The following TAOK3 variants were observed in gnomAD, a reference collection of about 807,000 sequenced individuals.
TAOK3 encodes the protein TAO kinase 3, also known as serine/threonine-protein kinase TAO3.
TAOK3 carries 40 observed loss-of-function variants against 120.4 expected under a neutral mutation model. That is an observed-to-expected ratio of 0.33 (90% CI 0.26 to 0.43). The LOEUF is 0.43. Ranked by LOEUF, TAOK3 falls within the 20% of genes least tolerant of loss-of-function variation. The probability of loss-of-function intolerance (pLI) is 1.00; values close to 1 mark genes in which losing one functional copy is unlikely to be tolerated. For missense variants in TAOK3, 821 were observed against 1,112.1 expected (o/e 0.74, Z 3.72); for synonymous variants, 355 against 387.5 (o/e 0.92, Z 0.99).
intron 2 of TAOK3, among the ~76,000 whole-genome samples, chr12:118,264,805 A>G (rs1408172152): frequency 1.3e-5 from 2 of 152,136 alleles, no homozygotes; most frequent in Non-Finnish European, 2.9e-5. Flanking sequence ...AGGCAGAAGC[A>G]GGCAGATCAT....
chr12:118,190,919 A>G (rs551875024), intron 13 of TAOK3, among the ~76,000 whole-genome samples: 9 of 152,356 alleles, frequency 5.9e-5, no homozygotes, highest in Non-Finnish European at 1.3e-4. Context: ...AGGACGCTAT[A>G]GTAATTTGTA....
chr12:118,361,237 G>A (rs1341369762), intron 1 of TAOK3, among the ~76,000 whole-genome samples: 1 of 152,062 alleles, frequency 6.6e-6, no homozygotes, highest in East Asian at 1.9e-4. Flanking sequence ...GCTTCCACTA[G>A]ACTTCGTTAC....
chr12:118,258,029 A>G (rs2041063298), intron 2 of TAOK3, among the ~76,000 whole-genome samples: 1 of 152,200 alleles, frequency 6.6e-6, no homozygotes, highest in Non-Finnish European at 1.5e-5. Context: ...TTTTTAATAT[A>G]AGGATATTAT....
At chr12:118,271,339 C>G (rs1011973163) in intron 1 of TAOK3, among the ~76,000 whole-genome samples, 4 of 152,130 alleles carry the variant, frequency 2.6e-5, no homozygotes, top group African/African-American at 7.2e-5. Flanking sequence ...CCCAGCCTCG[C>G]CCCACCCCAT....
At chr12:118,369,609 T>C (rs541704712) in intron 1 of TAOK3, among the ~76,000 whole-genome samples, 2 of 152,370 alleles carry the variant, frequency 1.3e-5, no homozygotes, top group Admixed American at 6.5e-5. Flanking sequence ...ACTATTGATA[T>C]TGAGATTCTC....
At chr12:118,330,004 C>A (rs2044078384) in intron 1 of TAOK3, among the ~76,000 whole-genome samples, 1 of 152,162 alleles carries the variant, frequency 6.6e-6, no homozygotes, top group Non-Finnish European at 1.5e-5. Flanking sequence ...TCAACAACAA[C>A]CCCAAAAATA....
chr12:118,370,736 T>C (rs951432983), intron 1 of TAOK3, among the ~76,000 whole-genome samples: 2 of 152,216 alleles, frequency 1.3e-5, no homozygotes, highest in African/African-American at 2.4e-5. Flanking sequence ...ACAACTAGCC[T>C]GATCATTAGT....
intron 9 of TAOK3, among the ~76,000 whole-genome samples, chr12:118,226,457 C>G (rs1191020321): frequency 2.6e-5 from 4 of 151,704 alleles, no homozygotes; most frequent in African/African-American, 7.3e-5. Flanking sequence ...TCGCTTGAAC[C>G]CGGGAACTAG....
At chr12:118,192,939 G>C (rs1215540704) in intron 13 of TAOK3, among the ~76,000 whole-genome samples, 1 of 151,574 alleles carries the variant, frequency 6.6e-6, no homozygotes, top group Non-Finnish European at 1.5e-5. Flanking sequence ...TATATGGCAT[G>C]GTTATAATTT....
At chr12:118,245,091 G>T in intron 3 of TAOK3, 126 bp from the exon 4 acceptor site, 1 of 563,970 alleles carries the variant, frequency 1.8e-6, no homozygotes, top group South Asian at 2.2e-5. Flanking sequence ...CTGTCGCTCA[G>T]GCTGGAGTGC....
chr12:118,230,691 G>T (rs943609005), intron 9 of TAOK3, among the ~76,000 whole-genome samples: 2 of 151,788 alleles, frequency 1.3e-5, no homozygotes, highest in African/African-American at 4.8e-5. Context: ...GGATGGTCTC[G>T]ATCTCCTGAC....
rs1286020799 is a variant in TAOK3, at chr12:118,371,693, G to A, written c.-194+955C>T. On this transcript the variant is annotated intron_variant, in intron 1 of 20. Transcript: ENST00000392533. This position sits in a 1 kb window ranked among gnomAD's most constrained non-coding sequence, Gnocchi z 5.5. ...CCCCGCCGCAGCCGTTCTTGGGGGG[G>A]CTCCCGCAACTCAGCGGGCGCGACC... is the stretch of plus-strand genomic sequence containing the variant. Among the ~76,000 whole-genome samples, 1 of 152,030 alleles carries A rather than the reference G, an allele frequency of 6.6e-6. No individual in the cohort carries two copies. The highest frequency in any genetic ancestry group is 1.5e-5 in the Non-Finnish European group (1 of 67,942).
chr12:118,172,799 C>T, intron 16 of TAOK3, 139 bp from the exon 17 acceptor site: 2 of 737,042 alleles, frequency 2.7e-6, no homozygotes, highest in Non-Finnish European at 4.5e-6. Flanking sequence ...ACATCCTTCC[C>T]CCAATTTTTT....
chr12:118,196,085 AT>A (rs2037713008), intron 13 of TAOK3, among the ~76,000 whole-genome samples: 1 of 151,132 alleles, frequency 6.6e-6, no homozygotes, highest in African/African-American at 2.4e-5. Context: ...AAATAAATAA[AT>A]AAATAAATAA....
At chr12:118,287,906 T>C (rs1234167060) in intron 1 of TAOK3, among the ~76,000 whole-genome samples, 2 of 152,094 alleles carry the variant, frequency 1.3e-5, no homozygotes, top group Admixed American at 6.6e-5. Flanking sequence ...AACAGCACTG[T>C]GAGAGCTCTG....
chr12:118,308,847 T>A (rs894768935), intron 1 of TAOK3, among the ~76,000 whole-genome samples: 1 of 142,398 alleles, frequency 7.0e-6, no homozygotes, highest in Non-Finnish European at 1.5e-5. Context: ...GGAGACTCGT[T>A]TGAACCCAGG....
At chr12:118,339,571 C>CTT (rs879348420) in intron 1 of TAOK3, among the ~76,000 whole-genome samples, 3 of 138,546 alleles carry the variant, frequency 2.2e-5, no homozygotes, top group South Asian at 2.3e-4. Flanking sequence ...TTTAGTTGCT[C>CTT]TTTTTTTTTT....
chr12:118,282,710 G>A (rs972301418), intron 1 of TAOK3, among the ~76,000 whole-genome samples: 11 of 152,122 alleles, frequency 7.2e-5, no homozygotes, highest in African/African-American at 2.2e-4. Context: ...ATCATCATTC[G>A]ATTCTGCTCT....
At chr12:118,317,465 A>AT (rs1166569438) in intron 1 of TAOK3, among the ~76,000 whole-genome samples, 1 of 151,664 alleles carries the variant, frequency 6.6e-6, no homozygotes, top group African/African-American at 2.4e-5. Flanking sequence ...CGCCAAGCTA[A>AT]TTTTTTGTAT....
Sources: allele counts gnomAD v4.1 joint callset (sites outside exome capture counted in the v4.1 genomes callset), GRCh38; gene constraint gnomAD v4.1.1; non-coding constraint Gnocchi (gnomAD v3.1); transcripts MANE v1.5; gene names NCBI Gene and HGNC (gene_info 2026-07-23, HGNC 2026-07-21).